CDH4: variants seen among roughly 807,000 people sequenced by gnomAD.
CDH4 encodes cadherin 4.
Under a neutral mutation model 86.0 loss-of-function variants are expected in CDH4, and 33 were observed. The observed-to-expected ratio is 0.38, with a 90% CI of 0.29 to 0.51. The LOEUF (loss-of-function observed/expected upper bound fraction) is 0.51, where lower values mean the gene tolerates loss of function less well. Ranked by LOEUF, CDH4 falls within the 20% of genes least tolerant of loss-of-function variation. The pLI is 0.86. For synonymous variants in CDH4, 555 were observed against 549.4 expected (o/e 1.01, Z -0.14); for missense variants, 1,114 against 1,307.4 (o/e 0.85, Z 2.28).
intron 3 of CDH4, among the ~76,000 whole-genome samples, chr20:61,751,966 G>T (rs1020641998): frequency 1.3e-5 from 2 of 152,274 alleles, no homozygotes; most frequent in Non-Finnish European, 2.9e-5. Flanking sequence ...ACCCCCGGGT[G>T]TGGAAAGCTT....
At chr20:61,376,096 C>T (rs111832422) in intron 2 of CDH4, among the ~76,000 whole-genome samples, 1 of 138,968 alleles carries the variant, frequency 7.2e-6, no homozygotes, top group African/African-American at 2.7e-5. Flanking sequence ...GGTCTTGGTG[C>T]TGGTGGTGAT....
chr20:61,788,136 GTGT>G (rs1308164924), intron 4 of CDH4, among the ~76,000 whole-genome samples: 7 of 152,322 alleles, frequency 4.6e-5, no homozygotes, highest in Non-Finnish European at 1.0e-4. Context: ...AAGGCCAGGG[GTGT>G]TGTTTTAATG....
At position 61,938,298 on chromosome 20, in the gene CDH4, C is replaced by G. The variant is rs1481787749; in HGVS notation, c.*1355C>G. ...GGGGGAAGGAATTGGTTCTGCAGGA[C>G]AGTGAGAGGGTCTGTGTCCCGGCAC... On this transcript the variant is annotated 3_prime_UTR_variant, in exon 16 of 16. Coordinates refer to ENST00000614565, the MANE Select transcript of CDH4 (RefSeq NM_001794.5). 6.6e-6 allele frequency: 1 copy of G among 152,344 alleles called. No individual in the cohort carries two copies. The highest frequency in any genetic ancestry group is 1.9e-4 in the East Asian group (1 of 5,196). The allele number at this position is 152,344 out of a possible 1,614,324, so 9.4% of individuals were successfully genotyped here. A position where few individuals can be genotyped will look rare whatever the true frequency, so the allele number is the denominator to read the frequency against.
At chr20:61,750,480 A>G (rs770524580) in intron 3 of CDH4, among the ~76,000 whole-genome samples, 7 of 152,256 alleles carry the variant, frequency 4.6e-5, no homozygotes, top group Non-Finnish European at 8.8e-5. Flanking sequence ...CTTATCACAA[A>G]GAACTGTCCA....
At chr20:61,287,931 A>C (rs548629811) in intron 2 of CDH4, among the ~76,000 whole-genome samples, 119 of 152,266 alleles carry the variant, frequency 7.8e-4, no homozygotes, top group African/African-American at 2.9e-3. Context: ...TCTGTTAGGA[A>C]ATGGGTGGTT....
chr20:61,315,935 C>T (rs886532344), intron 2 of CDH4, among the ~76,000 whole-genome samples: 7 of 152,146 alleles, frequency 4.6e-5, no homozygotes, highest in African/African-American at 1.7e-4. Flanking sequence ...TACTTTCAAA[C>T]TCCTGAGCTC....
intron 8 of CDH4, among the ~76,000 whole-genome samples, chr20:61,907,775 A>C (rs1216473049): frequency 6.6e-6 from 1 of 152,122 alleles, no homozygotes; most frequent in Non-Finnish European, 1.5e-5. Flanking sequence ...GACAGCTGGG[A>C]GATTCCGTCC....
intron 2 of CDH4, among the ~76,000 whole-genome samples, chr20:61,258,657 C>A (rs141910760): frequency 2.7e-4 from 41 of 152,336 alleles, no homozygotes; most frequent in South Asian, 1.2e-3. Flanking sequence ...CTTACATAAC[C>A]GTGAGTGCAG....
intron 2 of CDH4, among the ~76,000 whole-genome samples, chr20:61,425,961 C>CT (rs2085213220): frequency 6.6e-6 from 1 of 152,266 alleles, no homozygotes; most frequent in Admixed American, 6.5e-5. Flanking sequence ...CATCTGAAAA[C>CT]TGAGGCATGT....
intron 2 of CDH4, chr20:61,570,495 C>G (rs1298854013): frequency 1.7e-6 from 1 of 590,536 alleles, no homozygotes; most frequent in Non-Finnish European, 3.0e-6. Context: ...CCTCGCAGCC[C>G]CTGCTCTCAA....
intron 2 of CDH4, among the ~76,000 whole-genome samples, chr20:61,466,306 A>AC (rs2085471196): frequency 6.6e-6 from 1 of 152,198 alleles, no homozygotes; most frequent in Admixed American, 6.5e-5. Context: ...GTTTGTCTTC[A>AC]CCAAGATAGG....
chr20:61,622,616 C>T (rs904468267), intron 2 of CDH4, among the ~76,000 whole-genome samples: 1 of 152,262 alleles, frequency 6.6e-6, no homozygotes, highest in Admixed American at 6.5e-5. Flanking sequence ...TCACCTAAAA[C>T]TCTGCAAACA....
At chr20:61,555,564 T>A (rs1028948705) in intron 2 of CDH4, among the ~76,000 whole-genome samples, 17 of 152,178 alleles carry the variant, frequency 1.1e-4, no homozygotes, top group African/African-American at 4.1e-4. Context: ...TCCCTTTCTG[T>A]CTTTCTGGTT....
intron 7 of CDH4, among the ~76,000 whole-genome samples, chr20:61,885,310 C>A (rs1282264914): frequency 6.6e-6 from 1 of 151,832 alleles, no homozygotes; most frequent in Non-Finnish European, 1.5e-5. Flanking sequence ...TCCCTTACCC[C>A]CAGCTCCCCC....
chr20:61,809,596 G>A (rs1980323311), intron 4 of CDH4, among the ~76,000 whole-genome samples: 1 of 152,174 alleles, frequency 6.6e-6, no homozygotes, highest in South Asian at 2.1e-4. Context: ...AGCACACAAG[G>A]CATGGCTGGA....
intron 2 of CDH4, among the ~76,000 whole-genome samples, chr20:61,617,007 G>A (rs2145767781): frequency 6.6e-6 from 1 of 152,282 alleles, no homozygotes; most frequent in Non-Finnish European, 1.5e-5. Context: ...AATAGCTCCT[G>A]AAATGTGCCT....
chr20:61,421,206 G>A (rs2085176113), intron 2 of CDH4, among the ~76,000 whole-genome samples: 1 of 152,192 alleles, frequency 6.6e-6, no homozygotes, highest in African/African-American at 2.4e-5. Context: ...TTGGCTGGCT[G>A]GTGGCTGCAT....
intron 4 of CDH4, among the ~76,000 whole-genome samples, chr20:61,793,577 C>G (rs1165953972): frequency 1.3e-5 from 2 of 152,038 alleles, no homozygotes; most frequent in African/African-American, 4.8e-5. Flanking sequence ...CGCAGTGGCT[C>G]ACGCCTGTAA....
At chr20:61,913,515 C>T (rs34313125) in intron 9 of CDH4, among the ~76,000 whole-genome samples, 6,044 of 152,368 alleles carry the variant, frequency 0.04, 160 homozygotes, top group Non-Finnish European at 0.063. Context: ...TTGGCAGGCC[C>T]ACGGAGCCCT....
Sources: gnomAD v4.1 joint callset for allele counts (sites outside exome capture counted in the v4.1 genomes callset) on GRCh38, gnomAD v4.1.1 for gene constraint, MANE v1.5 for transcripts, NCBI Gene and HGNC (gene_info 2026-07-23, HGNC 2026-07-21) for gene names.